The following FAT3 variants were observed in gnomAD, a reference collection of about 807,000 sequenced individuals.
FAT3 encodes the protein FAT atypical cadherin 3, also known as protocadherin Fat 3.
A neutral mutation model predicts 310.2 loss-of-function variants in FAT3; 95 were observed. The observed-to-expected ratio is 0.31, with a 90% confidence interval of 0.26 to 0.36. FAT3 has a LOEUF of 0.36. FAT3 is among the 10% of genes least tolerant of loss of function. The pLI is 1.00. For missense variants in FAT3, 5,408 were observed against 5,715.6 expected, an observed-to-expected ratio of 0.95 and a Z score of 1.74; for synonymous variants, 2,314 against 2,192.9, an observed-to-expected ratio of 1.06 and a Z score of -1.54.
At chr11:92,560,488 C>A (rs986046788) in intron 3 of FAT3, among the ~76,000 whole-genome samples, 2 of 125,200 alleles carry the variant, frequency 1.6e-5, no homozygotes, top group Non-Finnish European at 3.6e-5. Flanking sequence ...TTTGCTTTTG[C>A]GTCTAACAGC....
intron 4 of FAT3, among the ~76,000 whole-genome samples, chr11:92,707,409 A>G (rs1010978947): frequency 1.3e-5 from 2 of 152,136 alleles, no homozygotes; most frequent in Admixed American, 6.5e-5. Flanking sequence ...ACGTGGTGCT[A>G]TGTTGCTGCT....
Position 92,525,836 on chromosome 11 carries a change from C to T in FAT3, c.3607+888C>T, listed in dbSNP as rs369185687. ...CAAACTCAGCTCTCCTAATGAACTA[C>T]TAATCTAGTTGATGGTCGTTTCTCC... On this transcript the variant is annotated intron_variant, in intron 3 of 27. Coordinates refer to ENST00000525166, the MANE Select transcript of FAT3 (RefSeq NM_001367949.2). 1.1e-3 allele frequency among the ~76,000 whole-genome samples: 171 copies of T among 152,210 alleles called. 5 individuals carry two copies. The South Asian group carries it at 0.033, about 30-fold the overall frequency.
At chr11:92,681,334 C>A (rs1591601453) in intron 3 of FAT3, among the ~76,000 whole-genome samples, 1 of 152,130 alleles carries the variant, frequency 6.6e-6, no homozygotes, top group Non-Finnish European at 1.5e-5. Flanking sequence ...TGGGAGGTGA[C>A]ATTTGAACTG....
intron 1 of FAT3, among the ~76,000 whole-genome samples, chr11:92,334,090 G>A (rs933491625): frequency 3.3e-5 from 5 of 152,118 alleles, no homozygotes; most frequent in Admixed American, 2.6e-4. Context: ...TGACTTAAAG[G>A]GGGAGGTTGG....
At position 92,410,310 on chromosome 11, in the gene FAT3, G is replaced by C. The variant is rs185625699; in HGVS notation, c.3292+54906G>C. On this transcript the variant is annotated intron_variant, in intron 2 of 27. Transcript: ENST00000525166. ...TAGGTGTGTGTGTGTGTATGTGTCT[G>C]TGTGTATGTGTGTGCACGCGAGTGA... is the stretch of plus-strand genomic sequence containing the variant. 7.2e-5 allele frequency among the ~76,000 whole-genome samples: 11 copies of C among 152,246 alleles called. No homozygotes were observed. In the East Asian group the frequency reaches 2.1e-3, roughly 29 times the overall value.
At position 92,774,054 on chromosome 11, in the gene FAT3, C is replaced by G. The variant is rs144711293; in HGVS notation, c.4209C>G (p.Asp1403Glu). The G allele has an allele frequency of 5.3e-4, 851 of 1,612,696 alleles. 8 individuals are homozygous for G. In the African/African-American group the frequency reaches 0.01, roughly 20 times the overall value. ...TGAAATCATCAGGGGGGAATTTTGACAGCGCTTTTGATGCAGAGAAGGGTG... is the reference window on the plus strand; with the variant it reads ...TGAAATCATCAGGGGGGAATTTTGAGAGCGCTTTTGATGCAGAGAAGGGTG... ...LWFDIVGGNFDSAFDAEKGVG... is the reference protein window; with the variant it reads ...LWFDIVGGNFESAFDAEKGVG... Residue 1403 changes from aspartate (D) to glutamate (E), a missense_variant, in exon 7 of 28, where the codon GAC becomes GAG. By Grantham distance (45) the Asp-to-Glu change is conservative. Coordinates refer to ENST00000525166, the MANE Select transcript of FAT3 (RefSeq NM_001367949.2).
At chr11:92,530,022 G>A (rs1218581824) in intron 3 of FAT3, among the ~76,000 whole-genome samples, 1 of 152,168 alleles carries the variant, frequency 6.6e-6, no homozygotes, top group Non-Finnish European at 1.5e-5. Flanking sequence ...CTACCTTTAA[G>A]TATTGATTAC....
intron 3 of FAT3, among the ~76,000 whole-genome samples, chr11:92,624,266 A>G (rs1212843247): frequency 6.6e-6 from 1 of 152,172 alleles, no homozygotes; most frequent in East Asian, 1.9e-4. Context: ...AAGAAGAAAA[A>G]CATTCCTTTG....
At chr11:92,713,761 A>G (rs1362544205) in intron 4 of FAT3, among the ~76,000 whole-genome samples, 1 of 152,202 alleles carries the variant, frequency 6.6e-6, no homozygotes, top group Non-Finnish European at 1.5e-5. Flanking sequence ...GAAAATGCGT[A>G]TTTTCCCAGT....
chr11:92,709,585 G>C (rs1314981155), intron 4 of FAT3, among the ~76,000 whole-genome samples: 1 of 152,194 alleles, frequency 6.6e-6, no homozygotes, highest in Non-Finnish European at 1.5e-5. Flanking sequence ...ACAATGCCAG[G>C]GATGTAATAG....
At chr11:92,862,295 T>C (rs1949137402) in intron 21 of FAT3, among the ~76,000 whole-genome samples, 1 of 152,120 alleles carries the variant, frequency 6.6e-6, no homozygotes, top group Non-Finnish European at 1.5e-5. Flanking sequence ...CTCACACCTA[T>C]AAAAGAAACA....
intron 19 of FAT3, among the ~76,000 whole-genome samples, chr11:92,851,632 G>A (rs1948832009): frequency 6.6e-6 from 1 of 152,054 alleles, no homozygotes; most frequent in Non-Finnish European, 1.5e-5. Flanking sequence ...ATCCTGCCCT[G>A]ACATACCATA....
Position 92,798,280 on chromosome 11 carries a change from A to C in FAT3, c.5267A>C (p.Asn1756Thr). 6.2e-7 allele frequency: 1 copy of C among 1,613,892 alleles called. No homozygotes were observed. Among genetic ancestry groups the C allele is most frequent in the African/African-American group, 1.3e-5 (1 of 75,022 alleles). ...MAGMASNATV[N>T]IQIVDENDNA... Reference sequence around the variant, plus strand: ...GGAATGGCTTCCAATGCTACAGTCAATATTCAGATTGTTGATGAAAATGAT... The same window carrying C: ...GGAATGGCTTCCAATGCTACAGTCACTATTCAGATTGTTGATGAAAATGAT... Residue 1756 changes from asparagine (N) to threonine (T), a missense_variant, in exon 10 of 28, where the codon AAT becomes ACT. By Grantham distance (65) the Asn-to-Thr change is moderately conservative. Coordinates refer to ENST00000525166, the MANE Select transcript of FAT3 (RefSeq NM_001367949.2).
At chr11:92,698,979 G>T (rs1455269882) in intron 4 of FAT3, among the ~76,000 whole-genome samples, 1 of 152,158 alleles carries the variant, frequency 6.6e-6, no homozygotes, top group African/African-American at 2.4e-5. Context: ...GGAGGTTTGT[G>T]GTGCAGTGTG....
intron 2 of FAT3, among the ~76,000 whole-genome samples, chr11:92,417,239 G>C (rs939669380): frequency 6.6e-6 from 1 of 152,176 alleles, no homozygotes; most frequent in African/African-American, 2.4e-5. Flanking sequence ...CTGTGGGGAA[G>C]AGTTCACTGT....
At chr11:92,671,251 G>A (rs923685817) in intron 3 of FAT3, among the ~76,000 whole-genome samples, 2 of 151,886 alleles carry the variant, frequency 1.3e-5, no homozygotes, top group Non-Finnish European at 2.9e-5. Flanking sequence ...CGTCATGTTG[G>A]TCAGGCTGGT....
chr11:92,485,720 A>G (rs75987994), intron 2 of FAT3, among the ~76,000 whole-genome samples: 213 of 152,318 alleles, frequency 1.4e-3, no homozygotes, highest in African/African-American at 4.8e-3. Context: ...TGGGAATTAT[A>G]TCAGCTGCTA....
At chr11:92,860,986 T>G (rs1357856763) in intron 21 of FAT3, among the ~76,000 whole-genome samples, 1 of 152,250 alleles carries the variant, frequency 6.6e-6, no homozygotes, top group Non-Finnish European at 1.5e-5. Context: ...ATAAGAAAAG[T>G]ACTTTGATTG....
Position 92,792,891 on chromosome 11 carries a change from C to T in FAT3, c.4736C>T (p.Ala1579Val). The T allele has an allele frequency of 6.2e-7, 1 of 1,613,828 alleles. No homozygotes were observed. Among genetic ancestry groups the T allele is most frequent in the Admixed American group, 1.7e-5 (1 of 60,008 alleles). The stretch of plus-strand genomic sequence containing the variant: ...TATGAAGCGTCTGTGTTTGAATCTG[C>T]TGCTCTGGGATCAGCTGTTCTGCAA... ...PLYEASVFES[A>V]ALGSAVLQVT... Residue 1579 changes from alanine to valine, a missense_variant, in exon 9 of 28, where the codon GCT (alanine) becomes GTT (valine). Ala to Val is a moderately conservative substitution (Grantham distance 64). Transcript: ENST00000525166.
Sources: gnomAD v4.1 joint callset for allele counts (sites outside exome capture counted in the v4.1 genomes callset) on GRCh38, gnomAD v4.1.1 for gene constraint, MANE v1.5 for transcripts, NCBI Gene and HGNC (gene_info 2026-07-23, HGNC 2026-07-21) for gene names.